BCAS1: variants seen among roughly 807,000 people sequenced by gnomAD.
BCAS1 encodes breast carcinoma-amplified sequence 1.
A neutral mutation model predicts 65.4 loss-of-function variants in BCAS1; 46 were observed. The ratio of observed to expected loss-of-function variants is 0.70; its 90% CI spans 0.55 to 0.90. The LOEUF is 0.90. BCAS1 is among the 40% of genes least tolerant of loss of function. BCAS1 has a pLI of 0.00. For synonymous variants in BCAS1, 298 were observed against 293.5 expected, an observed-to-expected ratio of 1.02 and a Z score of -0.16; for missense variants, 793 against 771.2, an observed-to-expected ratio of 1.03 and a Z score of -0.33.
intron 4 of BCAS1, among the ~76,000 whole-genome samples, chr20:54,016,301 T>C (rs1457841807): frequency 6.6e-6 from 1 of 152,232 alleles, no homozygotes; most frequent in Non-Finnish European, 1.5e-5. Context: ...ATTGATCATG[T>C]TCTCAATACA....
intron 11 of BCAS1, among the ~76,000 whole-genome samples, chr20:53,957,228 T>G (rs1018925622): frequency 6.6e-6 from 1 of 152,142 alleles, no homozygotes; most frequent in African/African-American, 2.4e-5. Context: ...TGTGAAAGTT[T>G]TTTGATAGGA....
Position 54,016,411 on chromosome 20 carries a change from C to T in BCAS1, c.723+11981G>A, listed in dbSNP as rs368829676. On this transcript the variant is annotated intron_variant, in intron 4 of 12. Transcript: ENST00000688948. Reference sequence around the variant, plus strand: ...TCATGTAATTTGTAAAGATCAAATTCGTGTACTTGGGATATTCATCACTTC... The same window carrying T: ...TCATGTAATTTGTAAAGATCAAATTTGTGTACTTGGGATATTCATCACTTC... 1.4e-4 allele frequency among the ~76,000 whole-genome samples: 22 copies of T among 152,224 alleles called. 1 individual carries two copies. The highest frequency in any genetic ancestry group is 3.9e-4 in the East Asian group (2 of 5,190).
chr20:53,997,009 G>A (rs2090933672), intron 4 of BCAS1, among the ~76,000 whole-genome samples: 2 of 152,198 alleles, frequency 1.3e-5, no homozygotes, highest in East Asian at 3.8e-4. Flanking sequence ...CTGCCCGTAG[G>A]TAATTTCCAT....
chr20:54,028,551 G>A lies in BCAS1; in HGVS notation c.564C>T (p.Pro188=), dbSNP rs1186299013. ...GGAGGEAPSK[P]KDSSFFDKFF... ...ATTTGTCAAAAAAGCTGGAGTCCTTGGGCTTGGAGGGAGCTTCTCCTCCTG... is the reference window on the plus strand; with the variant it reads ...ATTTGTCAAAAAAGCTGGAGTCCTTAGGCTTGGAGGGAGCTTCTCCTCCTG... Residue 188 remains proline (P), a synonymous_variant, in exon 4 of 13, where the codon CCC becomes CCT. Transcript: ENST00000688948. 3 of 1,614,142 alleles carry A rather than the reference G, an allele frequency of 1.9e-6. No homozygotes were observed. In the East Asian group the frequency reaches 6.7e-5, roughly 36 times the overall value.
chr20:53,990,670 T>C (rs930961912), intron 7 of BCAS1, among the ~76,000 whole-genome samples: 20 of 152,302 alleles, frequency 1.3e-4, no homozygotes, highest in African/African-American at 4.8e-4. Context: ...AAGGCCCTAC[T>C]TTCCTATCTT....
At chr20:54,060,722 G>A (rs912574200) in intron 1 of BCAS1, among the ~76,000 whole-genome samples, 3 of 152,094 alleles carry the variant, frequency 2.0e-5, no homozygotes, top group Non-Finnish European at 4.4e-5. Context: ...CTGTTAATGT[G>A]GTTATTGTCC....
At chr20:53,962,887 G>T (rs1250453657) in intron 10 of BCAS1, among the ~76,000 whole-genome samples, 1 of 152,006 alleles carries the variant, frequency 6.6e-6, no homozygotes, top group African/African-American at 2.4e-5. Context: ...GTCTCGCTCT[G>T]TCGCCCAGGC....
At position 54,058,224 on chromosome 20, in the gene BCAS1, T is replaced by C. The variant is rs1447201346; in HGVS notation, c.73-70A>G. The stretch of plus-strand genomic sequence containing the variant: ...AATCAGAAGAACTCAAGGAAGAACC[T>C]CTAAGATACAAGGGTGTCTCACAAA... On this transcript the variant is annotated intron_variant, in intron 2 of 12. Transcript: ENST00000688948. 15 of 1,361,120 alleles carry C rather than the reference T, an allele frequency of 1.1e-5. No individual in the cohort carries two copies. The Admixed American group carries it at 1.8e-4, about 16-fold the overall frequency. The allele number at this position is 1,361,120 out of a possible 1,614,324, so 84.3% of individuals were successfully genotyped here. A position where few individuals can be genotyped will look rare whatever the true frequency, so the allele number is the denominator to read the frequency against.
At chr20:54,016,987 G>C (rs2091452153) in intron 4 of BCAS1, among the ~76,000 whole-genome samples, 2 of 152,152 alleles carry the variant, frequency 1.3e-5, no homozygotes, top group African/African-American at 2.4e-5. Flanking sequence ...TCTCACACGG[G>C]GGTAGCAGAA....
At chr20:53,992,690 A>G (rs766052326) in intron 6 of BCAS1, 44 bp from the exon 7 acceptor site, 2 of 1,361,708 alleles carry the variant, frequency 1.5e-6, no homozygotes, top group South Asian at 2.3e-5. Context: ...TTGTTTTTGA[A>G]CAAAATTCTT....
chr20:54,041,995 A>C (rs1481773756), intron 3 of BCAS1, among the ~76,000 whole-genome samples: 1 of 151,772 alleles, frequency 6.6e-6, no homozygotes, highest in Non-Finnish European at 1.5e-5. Context: ...ATAGCTCAGT[A>C]ATATCTATTA....
At chr20:54,005,460 C>T (rs921476392) in intron 4 of BCAS1, among the ~76,000 whole-genome samples, 25 of 152,138 alleles carry the variant, frequency 1.6e-4, no homozygotes, top group African/African-American at 5.6e-4. Context: ...TGCACTCCAG[C>T]CTGGGTGACA....
At chr20:53,972,739 C>T (rs2090212563) in intron 9 of BCAS1, among the ~76,000 whole-genome samples, 1 of 152,174 alleles carries the variant, frequency 6.6e-6, no homozygotes, top group Non-Finnish European at 1.5e-5. Flanking sequence ...TGAGTTCCTC[C>T]TACATTTCAG....
chr20:53,953,117 C>T (rs2089580706), intron 12 of BCAS1, among the ~76,000 whole-genome samples: 1 of 152,218 alleles, frequency 6.6e-6, no homozygotes, highest in African/African-American at 2.4e-5. Context: ...TGATTGCTCC[C>T]TAGGTCTCAG....
intron 3 of BCAS1, among the ~76,000 whole-genome samples, chr20:54,039,830 T>C (rs562946514): frequency 2.0e-5 from 3 of 151,534 alleles, no homozygotes; most frequent in African/African-American, 7.2e-5. Context: ...TGATGTGGCA[T>C]ATTGAACTTT....
At chr20:54,057,817 G>A (rs540139240) in intron 3 of BCAS1, among the ~76,000 whole-genome samples, 3 of 152,364 alleles carry the variant, frequency 2.0e-5, no homozygotes, top group East Asian at 1.9e-4. Context: ...TGAGAGGGGC[G>A]TGGAACACGT....
chr20:54,061,091 C>G (rs1180241274), intron 1 of BCAS1, among the ~76,000 whole-genome samples: 1 of 152,186 alleles, frequency 6.6e-6, no homozygotes, highest in Non-Finnish European at 1.5e-5. Flanking sequence ...CCTGTATTGT[C>G]TCATGTAGTC....
rs777020986 is a variant in BCAS1 at position 53,992,506 on chromosome 20, A to G, written c.1062+6T>C. The G allele has an allele frequency of 1.5e-6, 2 of 1,365,844 alleles. No individual in the cohort carries two copies. Among genetic ancestry groups the G allele is most frequent in the South Asian group, 2.3e-5 (2 of 87,988 alleles). The allele number at this position is 1,365,844 out of a possible 1,614,324, so 84.6% of individuals were successfully genotyped here. On this transcript the variant is annotated splice_donor_region_variant and intron_variant, in intron 7 of 12. Transcript: ENST00000688948. ...GTTTTTCCTCCTACTTTAATAAGATACAGACCTTATGCCTAAAGAATTTTC... is the reference window on the plus strand; with the variant it reads ...GTTTTTCCTCCTACTTTAATAAGATGCAGACCTTATGCCTAAAGAATTTTC...
intron 3 of BCAS1, among the ~76,000 whole-genome samples, chr20:54,033,481 C>T (rs1032866790): frequency 1.3e-5 from 2 of 151,018 alleles, no homozygotes; most frequent in Admixed American, 1.3e-4. Flanking sequence ...CCACTGACCC[C>T]ACAGAAGTAC....
Sources: gnomAD v4.1 joint callset for allele counts (sites outside exome capture counted in the v4.1 genomes callset) on GRCh38, gnomAD v4.1.1 for gene constraint, MANE v1.5 for transcripts, NCBI Gene and HGNC (gene_info 2026-07-23, HGNC 2026-07-21) for gene names.